URB2: variants seen among roughly 807,000 people sequenced by gnomAD.
URB2 encodes unhealthy ribosome biogenesis protein 2 homolog.
Under a neutral mutation model 120.9 loss-of-function variants are expected in URB2, and 86 were observed. That is an observed-to-expected ratio of 0.71 (90% CI 0.60 to 0.85). The LOEUF is 0.85. Ranked by LOEUF, URB2 falls within the 40% of genes least tolerant of loss-of-function variation. The pLI, the probability that URB2 is intolerant of heterozygous loss-of-function variation, is 0.00. For missense variants in URB2, 1,765 were observed against 1,836.5 expected (o/e 0.96, Z 0.71); for synonymous variants, 755 against 758.4 (o/e 1.00, Z 0.07).
chr1:229,650,995 C>T (rs923313727), intron 7 of URB2: 6 of 256,620 alleles, frequency 2.3e-5, no homozygotes, highest in African/African-American at 1.3e-4. Context: ...CCTGAAGTTA[C>T]GCAGTGTGGG....
intron 6 of URB2, among the ~76,000 whole-genome samples, chr1:229,646,343 G>A (rs1017852016): frequency 6.6e-6 from 1 of 152,196 alleles, no homozygotes; most frequent in Non-Finnish European, 1.5e-5. Context: ...AGGCTAAGGT[G>A]AAGTGGCTAT....
In URB2 at chr1:229,637,958, C is replaced by T. The variant is rs747824286; in HGVS notation, c.3345C>T (p.Val1115=). Residue 1115 remains valine, a synonymous_variant, in exon 4 of 10, where the codon GTC becomes GTT. Coordinates refer to ENST00000258243, the MANE Select transcript of URB2 (RefSeq NM_014777.4). ...CCCGGGGCTGGCGCCTTCCCTCGGT[C>T]CTCATCTCATCCGTCAGCACGCTCT... ...PGARGWRLPS[V]LISSVSTLLE... 3 of 1,613,684 alleles carry T rather than the reference C, an allele frequency of 1.9e-6. No individual in the cohort carries two copies. The East Asian group carries it at 6.7e-5, about 36-fold the overall frequency.
At chr1:229,633,162 C>A (rs1046690186) in intron 3 of URB2, among the ~76,000 whole-genome samples, 1 of 152,098 alleles carries the variant, frequency 6.6e-6, no homozygotes, top group African/African-American at 2.4e-5. Context: ...CATGAGTGTG[C>A]GGGCTGAGAG....
chr1:229,656,608 A>G (rs1321394881), intron 9 of URB2, among the ~76,000 whole-genome samples: 2 of 152,234 alleles, frequency 1.3e-5, no homozygotes, highest in Admixed American at 1.3e-4. Flanking sequence ...TTTAAGTTTA[A>G]TTAAATACCA....
At chr1:229,627,492 C>A in intron 1 of URB2, 129 bp from the exon 2 acceptor site, 1 of 867,170 alleles carries the variant, frequency 1.2e-6, no homozygotes, top group Non-Finnish European at 1.6e-6. Flanking sequence ...TCTGTTGATT[C>A]ATTAAAAACT....
intron 7 of URB2, among the ~76,000 whole-genome samples, chr1:229,649,484 T>C (rs1196597736): frequency 6.6e-6 from 1 of 152,228 alleles, no homozygotes; most frequent in African/African-American, 2.4e-5. Flanking sequence ...GCAAAACCAT[T>C]AGCAAATGAC....
At position 229,638,130 on chromosome 1, in the gene URB2, C is replaced by G; in HGVS notation, c.3517C>G (p.Gln1173Glu). The change falls in exon 4 of 10, where the codon CAG becomes GAG. Residue 1173 changes from glutamine (Q) to glutamate (E), a missense_variant. Physicochemically the swap from Gln to Glu is conservative, Grantham distance 29. Transcript: ENST00000258243. ...LELPALAGHDQSFQAALQFLT... is the reference protein window; with the variant it reads ...LELPALAGHDESFQAALQFLT... Reference sequence around the variant, plus strand: ...GTTGCCAGCTCTCGCGGGACATGATCAGTCTTTTCAGGCAGCCTTGCAGTT... The same window carrying G: ...GTTGCCAGCTCTCGCGGGACATGATGAGTCTTTTCAGGCAGCCTTGCAGTT... 1 of 1,614,232 alleles carries G rather than the reference C, an allele frequency of 6.2e-7. No individual in the cohort carries two copies. The highest frequency in any genetic ancestry group is 1.1e-5 in the South Asian group (1 of 91,082).
At chr1:229,627,363 G>C (rs1032952055) in intron 1 of URB2, among the ~76,000 whole-genome samples, 1 of 152,174 alleles carries the variant, frequency 6.6e-6, no homozygotes, top group Non-Finnish European at 1.5e-5. Context: ...TTTGATCATA[G>C]CTGGAATACA....
chr1:229,640,953 A>G (rs1379373906), intron 4 of URB2, among the ~76,000 whole-genome samples: 1 of 151,898 alleles, frequency 6.6e-6, no homozygotes, highest in African/African-American at 2.4e-5. Context: ...CCCCTTAGCT[A>G]AAGAGAATAT....
At chr1:229,628,878 G>A (rs774389474) in intron 2 of URB2, among the ~76,000 whole-genome samples, 5 of 152,200 alleles carry the variant, frequency 3.3e-5, no homozygotes, top group Admixed American at 1.3e-4. Context: ...TATGTAAAGC[G>A]ATGATGACGT....
At position 229,638,233 on chromosome 1, in the gene URB2, GAA is replaced by G; in HGVS notation, c.3621_3622del (p.Arg1208SerfsTer6). Reference sequence around the variant, plus strand: ...TTTACCTCCATGTTTCATTCTGTGAGAAGAGTTCTTGCAGGTAAGATATTTTC... The same window carrying G: ...TTTACCTCCATGTTTCATTCTGTGAGGAGTTCTTGCAGGTAAGATATTTTC... On this transcript the variant is annotated frameshift_variant, in exon 4 of 10. Transcript: ENST00000258243. LOFTEE classifies it high-confidence loss of function. 6.2e-7 allele frequency: 1 copy of G among 1,603,094 alleles called. No individual in the cohort carries two copies. Among genetic ancestry groups the G allele is most frequent in the Non-Finnish European group, 8.5e-7 (1 of 1,174,358 alleles).
chr1:229,645,410 C>T (rs535510156), intron 5 of URB2, among the ~76,000 whole-genome samples: 52 of 152,302 alleles, frequency 3.4e-4, no homozygotes, highest in African/African-American at 1.3e-3. Context: ...CCCGTGACCA[C>T]AGCACCTAAT....
intron 5 of URB2, 73 bp downstream of exon 5, chr1:229,643,766 A>T: frequency 6.4e-7 from 1 of 1,551,726 alleles, no homozygotes; most frequent in Non-Finnish European, 8.7e-7. Context: ...CTGATTTGAG[A>T]TGTGGTGTCA....
rs1243972457 is a variant in URB2, at chr1:229,651,300, G to A, written c.4215G>A (p.Arg1405=). Residue 1405 remains arginine, a synonymous_variant, in exon 8 of 10, where the codon CGG becomes CGA. Transcript: ENST00000258243. ...SFNRLVFSVM[R]EGRQKDKGSI... The stretch of plus-strand genomic sequence containing the variant: ...ATAGATTGGTGTTTTCAGTTATGCG[G>A]GAAGGGCGGCAGAAGGACAAAGGTA... The A allele has an allele frequency of 3.1e-6, 5 of 1,612,266 alleles. No homozygotes were observed. Among genetic ancestry groups the A allele is most frequent in the Non-Finnish European group, 4.2e-6 (5 of 1,179,216 alleles).
At chr1:229,633,194 CG>C (rs1025715013) in intron 3 of URB2, among the ~76,000 whole-genome samples, 26 of 150,608 alleles carry the variant, frequency 1.7e-4, no homozygotes, top group Admixed American at 2.0e-4. Context: ...AGGCTAGTAA[CG>C]GAGGGGAACG....
chr1:229,628,148 T>A (rs1025177061), intron 2 of URB2, among the ~76,000 whole-genome samples: 5 of 124,360 alleles, frequency 4.0e-5, no homozygotes, highest in African/African-American at 7.4e-5. Flanking sequence ...ATATATATAA[T>A]ATATATAGTA....
At position 229,648,113 on chromosome 1, in the gene URB2, C is replaced by T. The variant is rs1666195101; in HGVS notation, c.4149+361C>T. Among the ~76,000 whole-genome samples, 5 of 152,234 alleles carry T rather than the reference C, an allele frequency of 3.3e-5. No individual in the cohort carries two copies. The Middle Eastern group carries it at 0.014, about 414-fold the overall frequency. ...CCACTCCTGACCTCATGTGACTGGTCGCAGTCAAAACACAGTCAAAACTTT... is the reference window on the plus strand; with the variant it reads ...CCACTCCTGACCTCATGTGACTGGTTGCAGTCAAAACACAGTCAAAACTTT... On this transcript the variant is annotated intron_variant, in intron 7 of 9. Coordinates refer to ENST00000258243, the MANE Select transcript of URB2 (RefSeq NM_014777.4).
chr1:229,630,897 G>A (rs748155203), intron 2 of URB2, among the ~76,000 whole-genome samples: 4 of 145,424 alleles, frequency 2.8e-5, no homozygotes, highest in African/African-American at 7.7e-5. Context: ...CAGAAGAATC[G>A]CTTAAACCTG....
At chr1:229,658,591 G>A (rs1666455315) in intron 9 of URB2, among the ~76,000 whole-genome samples, 1 of 152,140 alleles carries the variant, frequency 6.6e-6, no homozygotes, top group Admixed American at 6.5e-5. Flanking sequence ...GTCTGTTTTG[G>A]TAGTTTCAGA....
Sources: gnomAD v4.1 joint callset for allele counts (sites outside exome capture counted in the v4.1 genomes callset) on GRCh38, gnomAD v4.1.1 for gene constraint, MANE v1.5 for transcripts, NCBI Gene and HGNC (gene_info 2026-07-23, HGNC 2026-07-21) for gene names.